DDAH1: variants seen among roughly 807,000 people sequenced by gnomAD.
The protein encoded by DDAH1 is N(G),N(G)-dimethylarginine dimethylaminohydrolase 1.
Under a neutral mutation model 28.8 loss-of-function variants are expected in DDAH1, and 19 were observed. The observed-to-expected ratio is 0.66, with a 90% CI of 0.46 to 0.97. The LOEUF (loss-of-function observed/expected upper bound fraction) is 0.97. DDAH1 is among the 50% of genes least tolerant of loss of function. The pLI is 0.00. For missense variants in DDAH1, 326 were observed against 375.9 expected, an observed-to-expected ratio of 0.87 and a Z score of 1.10; for synonymous variants, 153 against 154.4, an observed-to-expected ratio of 0.99 and a Z score of 0.07.
At chr1:85,500,386 A>C (rs913851692) in intron 1 of DDAH1, among the ~76,000 whole-genome samples, 1 of 151,692 alleles carries the variant, frequency 6.6e-6, no homozygotes, top group Non-Finnish European at 1.5e-5. Flanking sequence ...TAGCACCTTA[A>C]AGGTGTTATT....
intron 1 of DDAH1, among the ~76,000 whole-genome samples, chr1:85,394,684 T>C (rs1404539174): frequency 3.3e-5 from 5 of 152,340 alleles, no homozygotes; most frequent in African/African-American, 7.2e-5. Context: ...TAACTTGAGA[T>C]AGTGGCCAGC....
chr1:85,453,703 G>C (rs962707853), intron 1 of DDAH1, among the ~76,000 whole-genome samples: 1 of 152,092 alleles, frequency 6.6e-6, no homozygotes, highest in Non-Finnish European at 1.5e-5. Flanking sequence ...TACTTAATAG[G>C]CACCATTACC....
At chr1:85,330,728 G>C (rs778808064) in intron 4 of DDAH1, among the ~76,000 whole-genome samples, 1 of 152,194 alleles carries the variant, frequency 6.6e-6, no homozygotes, top group Non-Finnish European at 1.5e-5. Context: ...CCACTTTATG[G>C]AAACTAATTT....
intron 1 of DDAH1, among the ~76,000 whole-genome samples, chr1:85,522,796 C>A (rs1222404581): frequency 6.6e-6 from 1 of 152,128 alleles, no homozygotes; most frequent in East Asian, 1.9e-4. Flanking sequence ...CCTGCCAAAT[C>A]TTGGGCATCT....
intron 1 of DDAH1, among the ~76,000 whole-genome samples, chr1:85,570,288 T>C (rs181434588): frequency 6.6e-6 from 1 of 152,010 alleles, no homozygotes; most frequent in African/African-American, 2.4e-5. Context: ...ATTTTCTATT[T>C]TTGTTTCTGA....
chr1:85,552,561 T>C (rs1468603533), intron 1 of DDAH1, among the ~76,000 whole-genome samples: 2 of 152,182 alleles, frequency 1.3e-5, no homozygotes, highest in Admixed American at 6.5e-5. Flanking sequence ...CTCATCATCA[T>C]TATATCTTCC....
At position 85,464,441 on chromosome 1, in the gene DDAH1, C is replaced by G. The variant is rs1217721247; in HGVS notation, c.303+302G>C. 2 of 1,448,826 alleles carry G rather than the reference C, an allele frequency of 1.4e-6. No individual in the cohort carries two copies. The highest frequency in any genetic ancestry group is 9.2e-7 in the Non-Finnish European group (1 of 1,085,080). 89.7% of individuals were successfully genotyped at this position (1,448,826 alleles called of 1,614,324 possible). ...CTCAGAGTTGCACTGTCGTCGCTGC[C>G]GTTTAATTTTCACAAATAAAAATGC... On this transcript the variant is annotated intron_variant, in intron 1 of 5. Transcript: ENST00000284031. This position sits in a 1 kb window ranked among gnomAD's most constrained non-coding sequence, Gnocchi z 4.4.
intron 1 of DDAH1, among the ~76,000 whole-genome samples, chr1:85,533,245 ATTAACC>A (rs1481553865): frequency 6.6e-6 from 1 of 152,262 alleles, no homozygotes; most frequent in Non-Finnish European, 1.5e-5. Flanking sequence ...TTTATTTTAC[ATTAACC>A]TTTACAAATT....
intron 1 of DDAH1, among the ~76,000 whole-genome samples, chr1:85,500,484 A>G (rs373351904): frequency 3.3e-5 from 5 of 152,100 alleles, no homozygotes; most frequent in East Asian, 3.9e-4. Context: ...ACTGCTATTA[A>G]AACTTTTTTC....
intron 1 of DDAH1, among the ~76,000 whole-genome samples, chr1:85,530,002 G>A (rs188328400): frequency 7.1e-6 from 1 of 141,672 alleles, no homozygotes; most frequent in Non-Finnish European, 1.5e-5. Context: ...TGGGCATCTT[G>A]GAGGGGTTGG....
intron 1 of DDAH1, among the ~76,000 whole-genome samples, chr1:85,539,206 GCA>G (rs1342853636): frequency 1.3e-5 from 2 of 151,846 alleles, no homozygotes; most frequent in Non-Finnish European, 2.9e-5. Context: ...GAGTGCAACG[GCA>G]CAGTCTTGGC....
rs1213535832 is a variant in DDAH1 at position 85,320,098 on chromosome 1, A to C, written c.*1354T>G. On this transcript the variant is annotated 3_prime_UTR_variant, in exon 6 of 6. Transcript: ENST00000284031. Reference sequence around the variant, plus strand: ...CTGGATCAGTTACCATTCATTGGAAAGTACCGTTTCCCCTGCCTGTTAATA... The same window carrying C: ...CTGGATCAGTTACCATTCATTGGAACGTACCGTTTCCCCTGCCTGTTAATA... The C allele has an allele frequency of 6.6e-6, 1 of 152,280 alleles. No individual in the cohort carries two copies. Among genetic ancestry groups the C allele is most frequent in the Admixed American group, 6.5e-5 (1 of 15,282 alleles). The allele number at this position is 152,280 out of a possible 1,614,324, so 9.4% of individuals were successfully genotyped here.
At chr1:85,338,015 A>C (rs976699677) in intron 4 of DDAH1, among the ~76,000 whole-genome samples, 3 of 152,232 alleles carry the variant, frequency 2.0e-5, no homozygotes, top group African/African-American at 7.2e-5. Flanking sequence ...AACAAGCTTC[A>C]GGGATGGGAC....
chr1:85,378,714 G>A (rs1650812667), intron 1 of DDAH1, among the ~76,000 whole-genome samples: 1 of 152,048 alleles, frequency 6.6e-6, no homozygotes, highest in African/African-American at 2.4e-5. Context: ...TGGCCCTCTG[G>A]GATTCTTTTT....
chr1:85,577,642 C>G (rs1002792982), intron 1 of DDAH1, among the ~76,000 whole-genome samples: 2 of 151,630 alleles, frequency 1.3e-5, no homozygotes, highest in Non-Finnish European at 2.9e-5. Flanking sequence ...ATTAACTAGC[C>G]CTCCAGGCGA....
At chr1:85,400,814 T>C (rs1652065346) in intron 1 of DDAH1, among the ~76,000 whole-genome samples, 1 of 152,188 alleles carries the variant, frequency 6.6e-6, no homozygotes, top group Non-Finnish European at 1.5e-5. Flanking sequence ...TAACAGTGTG[T>C]AGACCATACA....
chr1:85,370,089 C>T (rs1348956259), intron 1 of DDAH1, among the ~76,000 whole-genome samples: 1 of 152,116 alleles, frequency 6.6e-6, no homozygotes, highest in East Asian at 1.9e-4. Context: ...AATGTGACTG[C>T]CTTTAGAGAT....
intron 1 of DDAH1, among the ~76,000 whole-genome samples, chr1:85,383,739 T>C (rs1014126247): frequency 7.2e-5 from 11 of 152,152 alleles, no homozygotes; most frequent in Non-Finnish European, 1.5e-4. Flanking sequence ...CCCTGATAGG[T>C]CGGCAGCCAT....
At chr1:85,550,419 C>A (rs2100794091) in intron 1 of DDAH1, among the ~76,000 whole-genome samples, 1 of 152,310 alleles carries the variant, frequency 6.6e-6, no homozygotes, top group South Asian at 2.1e-4. Flanking sequence ...CACCCCACCT[C>A]CTGAACTACT....
Sources: gnomAD v4.1 joint callset for allele counts (sites outside exome capture counted in the v4.1 genomes callset) on GRCh38, gnomAD v4.1.1 for gene constraint, Gnocchi (gnomAD v3.1) non-coding constraint, MANE v1.5 for transcripts, NCBI Gene and HGNC (gene_info 2026-07-23, HGNC 2026-07-21) for gene names.